Variants in CSMD1 observed in about 807,000 individuals in gnomAD.
The protein encoded by CSMD1 is CUB and sushi domain-containing protein 1.
A neutral mutation model predicts 417.5 loss-of-function variants in CSMD1; 213 were observed. That is an observed-to-expected ratio of 0.51 (90% confidence interval 0.46 to 0.57). The LOEUF (loss-of-function observed/expected upper bound fraction) is 0.57. Among genes scored for constraint, CSMD1 ranks in the 20% least tolerant of loss-of-function variants. CSMD1 has a pLI of 0.00. For synonymous variants in CSMD1, 2,862 were observed against 1,736.8 expected, an observed-to-expected ratio of 1.65 and a Z score of -16.11; for missense variants, 6,923 against 4,529.7, an observed-to-expected ratio of 1.53 and a Z score of -15.17.
At chr8:3,488,470 G>C (rs563343806) in intron 11 of CSMD1, among the ~76,000 whole-genome samples, 12 of 152,260 alleles carry the variant, frequency 7.9e-5, no homozygotes, top group South Asian at 6.2e-4. Flanking sequence ...GTATCTGGAA[G>C]ATAGTATGCT....
chr8:4,797,589 C>T (rs1798050832), intron 1 of CSMD1, among the ~76,000 whole-genome samples: 1 of 151,982 alleles, frequency 6.6e-6, no homozygotes, highest in African/African-American at 2.4e-5. Flanking sequence ...GAAATTATTC[C>T]AGGGTATGGG....
chr8:3,943,347 A>C (rs2129787205), intron 5 of CSMD1, among the ~76,000 whole-genome samples: 1 of 149,100 alleles, frequency 6.7e-6, no homozygotes, highest in South Asian at 2.2e-4. Context: ...TAGTGAGTGA[A>C]CTCAATTTTG....
At chr8:4,861,774 A>G (rs892563654) in intron 1 of CSMD1, among the ~76,000 whole-genome samples, 2 of 152,102 alleles carry the variant, frequency 1.3e-5, no homozygotes, top group African/African-American at 4.8e-5. Flanking sequence ...TGTCTAAGAT[A>G]TAAAGCTCTA....
intron 7 of CSMD1, among the ~76,000 whole-genome samples, chr8:3,708,108 G>C (rs190106869): frequency 1.3e-4 from 20 of 152,316 alleles, no homozygotes; most frequent in Admixed American, 1.3e-3. Flanking sequence ...CAAGGACGGA[G>C]AGAGACTGGT....
rs545258591 is a variant in CSMD1 at position 4,434,302 on chromosome 8, G to T, written c.303-14237C>A. Among the ~76,000 whole-genome samples, 151 of 152,282 alleles carry T rather than the reference G, an allele frequency of 9.9e-4. 1 individual carries two copies. The highest frequency in any genetic ancestry group is 3.5e-3 in the African/African-American group (145 of 41,560). ...AATTGCTTGAACCTTGGAGATGGAG[G>T]TTGCAGTGAGCTGAGATTGCACCAT... On this transcript the variant is annotated intron_variant, in intron 2 of 69. Transcript: ENST00000635120.
chr8:3,795,393 G>T lies in CSMD1; in HGVS notation c.819-41351C>A, dbSNP rs1481483847. Among the ~76,000 whole-genome samples the T allele has an allele frequency of 4.7e-5, 2 of 42,178 alleles. 1 individual carries two copies. The highest frequency in any genetic ancestry group is 9.4e-5 in the Non-Finnish European group (2 of 21,230). The allele number at this position is 42,178 out of a possible 152,430, so 27.7% of individuals were successfully genotyped here. A position where few individuals can be genotyped will look rare whatever the true frequency, so the allele number is the denominator to read the frequency against. ...TAGATATATATCATGTATAGATATA[G>T]ATATCTATCATAGATATAGATATAT... On this transcript the variant is annotated intron_variant, in intron 5 of 69. Coordinates refer to ENST00000635120, the MANE Select transcript of CSMD1 (RefSeq NM_033225.6).
At chr8:3,144,039 C>G (rs569185106) in intron 40 of CSMD1, among the ~76,000 whole-genome samples, 157 of 152,264 alleles carry the variant, frequency 1.0e-3, no homozygotes, top group Non-Finnish European at 2.0e-3. Context: ...CAGGGAGAAG[C>G]AAAAGGGTAA....
At chr8:3,670,289 C>G (rs1406185822) in intron 7 of CSMD1, among the ~76,000 whole-genome samples, 3 of 151,968 alleles carry the variant, frequency 2.0e-5, no homozygotes, top group Non-Finnish European at 1.5e-5. Flanking sequence ...CTACATCCTT[C>G]TCCTGTGCCG....
intron 17 of CSMD1, among the ~76,000 whole-genome samples, chr8:3,390,752 T>C (rs1042179850): frequency 1.3e-5 from 2 of 152,140 alleles, no homozygotes; most frequent in African/African-American, 4.8e-5. Context: ...ATAATCCGTG[T>C]GCAGCTCATA....
At chr8:3,456,124 A>G (rs1303422244) in intron 12 of CSMD1, among the ~76,000 whole-genome samples, 1 of 152,172 alleles carries the variant, frequency 6.6e-6, no homozygotes, top group Non-Finnish European at 1.5e-5. Flanking sequence ...TGCAGGATAT[A>G]ATCTCCTGGT....
intron 1 of CSMD1, among the ~76,000 whole-genome samples, chr8:4,932,590 G>C (rs140164387): frequency 1.9e-4 from 29 of 152,314 alleles, no homozygotes; most frequent in African/African-American, 6.7e-4. Context: ...GATACTGCAG[G>C]ATTTTGGCAA....
At chr8:3,750,371 C>T (rs2720850) in intron 6 of CSMD1, among the ~76,000 whole-genome samples, 132,558 of 149,838 alleles carry the variant, frequency 0.88, 58,720 homozygotes, top group South Asian at 0.93. Flanking sequence ...GTTAAATATA[C>T]GATATATATG....
At chr8:2,946,199 C>A (rs186512906) in intron 68 of CSMD1, among the ~76,000 whole-genome samples, 2 of 152,138 alleles carry the variant, frequency 1.3e-5, no homozygotes, top group Admixed American at 6.6e-5. Context: ...GGTGCATATG[C>A]GATCTTTTGT....
At chr8:4,281,967 C>G (rs189570149) in intron 3 of CSMD1, among the ~76,000 whole-genome samples, 2 of 152,262 alleles carry the variant, frequency 1.3e-5, no homozygotes, top group East Asian at 3.9e-4. Flanking sequence ...ATCAGGTTTA[C>G]CAATTGCAAA....
chr8:4,067,076 G>C (rs1799290722), intron 3 of CSMD1, among the ~76,000 whole-genome samples: 1 of 152,240 alleles, frequency 6.6e-6, no homozygotes, highest in Admixed American at 6.5e-5. Flanking sequence ...CTGAAATTCA[G>C]ACACAGAGAA....
At chr8:4,365,204 C>G (rs575984974) in intron 3 of CSMD1, among the ~76,000 whole-genome samples, 1 of 152,012 alleles carries the variant, frequency 6.6e-6, no homozygotes, top group East Asian at 1.9e-4. Flanking sequence ...TGCACCTTGT[C>G]TATATATAAA....
intron 3 of CSMD1, among the ~76,000 whole-genome samples, chr8:4,372,010 G>A (rs533918829): frequency 6.6e-6 from 1 of 152,152 alleles, no homozygotes; most frequent in Non-Finnish European, 1.5e-5. Context: ...AGAGTTCAAA[G>A]GTTCAGCACG....
intron 5 of CSMD1, among the ~76,000 whole-genome samples, chr8:3,837,635 C>T (rs886923406): frequency 1.3e-5 from 2 of 152,108 alleles, no homozygotes; most frequent in East Asian, 1.9e-4. Flanking sequence ...GAATTTTCTG[C>T]GGATTGTAAG....
intron 3 of CSMD1, among the ~76,000 whole-genome samples, chr8:4,236,493 A>G (rs1332029928): frequency 6.6e-6 from 1 of 152,190 alleles, no homozygotes; most frequent in Non-Finnish European, 1.5e-5. Context: ...GGGCCAGAGT[A>G]GGAATCTGAG....
Sources: gnomAD v4.1 joint callset for allele counts (sites outside exome capture counted in the v4.1 genomes callset) on GRCh38, gnomAD v4.1.1 for gene constraint, MANE v1.5 for transcripts, NCBI Gene and HGNC (gene_info 2026-07-23, HGNC 2026-07-21) for gene names.